PPP6R2: variants seen among roughly 807,000 people sequenced by gnomAD.
PPP6R2 encodes the protein serine/threonine-protein phosphatase 6 regulatory subunit 2.
Under a neutral mutation model 100.2 loss-of-function variants are expected in PPP6R2, and 62 were observed. That is an observed-to-expected ratio of 0.62 (90% confidence interval 0.50 to 0.76). The LOEUF is 0.76. Among genes scored for constraint, PPP6R2 ranks in the 30% least tolerant of loss-of-function variants. The pLI is 0.00. For missense variants in PPP6R2, 1,142 were observed against 1,276.3 expected, an observed-to-expected ratio of 0.89 and a Z score of 1.60; for synonymous variants, 525 against 514.7, an observed-to-expected ratio of 1.02 and a Z score of -0.27.
At chr22:50,440,735 C>T (rs2065390696) in intron 21 of PPP6R2, 87 bp from the exon 22 acceptor site, 3 of 1,459,556 alleles carry the variant, frequency 2.1e-6, no homozygotes, top group African/African-American at 1.4e-5. Context: ...GTGAGAGGGC[C>T]ACATGTATGG....
At chr22:50,412,147 G>C (rs2059836559) in intron 4 of PPP6R2, among the ~76,000 whole-genome samples, 1 of 152,120 alleles carries the variant, frequency 6.6e-6, no homozygotes, top group Non-Finnish European at 1.5e-5. Context: ...ATGTGAATGT[G>C]TGAATATGAT....
chr22:50,331,055 C>A, the PPP6R2 span, among the ~76,000 whole-genome samples: 1 of 152,164 alleles, frequency 6.6e-6, no homozygotes, highest in African/African-American at 2.4e-5. Flanking sequence ...CAGCAGCAAC[C>A]GGAAACTACT....
rs557118142 is a variant in PPP6R2, at chr22:50,375,832, ATTTTTT to A, written c.-17+3703_-17+3708del. 3.7e-4 allele frequency among the ~76,000 whole-genome samples: 24 copies of A among 64,554 alleles called. 2 individuals are homozygous for A. In the South Asian group the frequency reaches 5.5e-3, roughly 15 times the overall value. 42.3% of individuals were successfully genotyped at this position (64,554 alleles called of 152,430 possible). On this transcript the variant is annotated intron_variant, in intron 2 of 23. Transcript: ENST00000612753. ...CCTAAGATACAAAGAATCCCTGCAG[ATTTTTT>A]TTTTTTTTTTTTTTTTTTTTGAGAT...
intron 6 of PPP6R2, among the ~76,000 whole-genome samples, chr22:50,418,470 CCTT>C (rs1185904403): frequency 6.6e-6 from 1 of 151,832 alleles, no homozygotes; most frequent in Admixed American, 6.6e-5. Context: ...ACTGCAAGCT[CCTT>C]CTCCCAGGTT....
At chr22:50,427,016 G>A (rs942317359) in intron 10 of PPP6R2, among the ~76,000 whole-genome samples, 1 of 151,344 alleles carries the variant, frequency 6.6e-6, no homozygotes, top group East Asian at 1.9e-4. Context: ...GTGAAACCCC[G>A]TCTCTGCTAA....
At chr22:50,391,859 C>G (rs1474369378) in intron 2 of PPP6R2, 1 of 151,114 alleles carries the variant, frequency 6.6e-6, no homozygotes, top group Admixed American at 6.6e-5. Context: ...CTTTTGTAAT[C>G]CACCCAGGCT....
rs547065451 is a variant in PPP6R2, at chr22:50,386,507, C to T, written c.-16-7386C>T. ...CCATAGACTCAGGGAAGTAAAGAAC[C>T]TTGCTCAAATTGTAGTAAGGTACAA... On this transcript the variant is annotated intron_variant, in intron 2 of 23. Coordinates refer to ENST00000612753, the MANE Select transcript of PPP6R2 (RefSeq NM_001242898.2). 1.3e-3 allele frequency among the ~76,000 whole-genome samples: 191 copies of T among 152,272 alleles called. 1 individual carries two copies. The highest frequency in any genetic ancestry group is 1.7e-3 in the Non-Finnish European group (116 of 68,024).
rs565209206 is a variant in PPP6R2, at chr22:50,431,422, G to A, written c.1335+40G>A. 1.2e-3 allele frequency: 1,850 copies of A among 1,559,498 alleles called. 32 individuals carry two copies. In the South Asian group the frequency reaches 0.019, roughly 16 times the overall value. On this transcript the variant is annotated intron_variant, in intron 11 of 23. Transcript: ENST00000612753. This position sits in a 1 kb window ranked among gnomAD's most constrained non-coding sequence, Gnocchi z 4.8. ...CATCCATCTTATCAGCGCCAACTGC[G>A]CCCCACTCAGACCGTGTCCATGTCA...
chr22:50,437,115 C>G, intron 15 of PPP6R2, 47 bp downstream of exon 15: 2 of 1,476,456 alleles, frequency 1.4e-6, no homozygotes, highest in Non-Finnish European at 1.8e-6. Context: ...CTTCCCGGCA[C>G]CTGTGTGCGC....
upstream of PPP6R2, among the ~76,000 whole-genome samples, chr22:50,338,780 GGTGT>G (rs1601852798): frequency 7.3e-6 from 1 of 137,766 alleles, no homozygotes; most frequent in Non-Finnish European, 1.6e-5. Context: ...TGTGGTATGT[GGTGT>G]GTGTGGTGTG....
chr22:50,414,777 C>T (rs1297135004), intron 5 of PPP6R2, 88 bp downstream of exon 5: 59 of 1,438,322 alleles, frequency 4.1e-5, no homozygotes, highest in Non-Finnish European at 5.3e-5. Flanking sequence ...AGCACCAGGG[C>T]GCCCGGCCCC....
At chr22:50,437,423 G>A in intron 15 of PPP6R2, 83 bp from the exon 16 acceptor site, 1 of 930,038 alleles carries the variant, frequency 1.1e-6, no homozygotes, top group Non-Finnish European at 1.7e-6. Context: ...GAGAGATTGT[G>A]GTTCCCAAAG....
Position 50,401,357 on chromosome 22 carries a change from C to G in PPP6R2, c.228-5332C>G, listed in dbSNP as rs1230563094. ...GTGTAGCTGGAACTACAGACGCCCACCACCACGCCCGGCTAATTTTTTATA... is the reference window on the plus strand; with the variant it reads ...GTGTAGCTGGAACTACAGACGCCCAGCACCACGCCCGGCTAATTTTTTATA... On this transcript the variant is annotated intron_variant, in intron 3 of 23. Transcript: ENST00000612753. 2.0e-5 allele frequency among the ~76,000 whole-genome samples: 3 copies of G among 151,446 alleles called. No homozygotes were observed. The East Asian group carries it at 5.9e-4, about 30-fold the overall frequency.
chr22:50,349,934 A>G (rs2044650219), intron 1 of PPP6R2, among the ~76,000 whole-genome samples: 1 of 151,380 alleles, frequency 6.6e-6, no homozygotes, highest in African/African-American at 2.4e-5. Context: ...CCTGAACAAC[A>G]TGGTGAAACT....
the PPP6R2 span, among the ~76,000 whole-genome samples, chr22:50,337,299 G>T: frequency 3.8e-4 from 55 of 144,292 alleles, no homozygotes; most frequent in African/African-American, 1.2e-3. Context: ...GGTATGTGGG[G>T]GTGTGTGTGT....
At chr22:50,441,986 G>A (rs1382640142) in intron 22 of PPP6R2, among the ~76,000 whole-genome samples, 2 of 152,300 alleles carry the variant, frequency 1.3e-5, no homozygotes, top group East Asian at 3.9e-4. Context: ...CTCCCAGTAG[G>A]TCCAGGCAAC....
At chr22:50,437,921 G>A (rs777739059) in intron 17 of PPP6R2, 21 bp downstream of exon 17, 2 of 1,560,872 alleles carry the variant, frequency 1.3e-6, no homozygotes, top group South Asian at 1.2e-5. Context: ...CGGGCTGTGT[G>A]GGGTGCCGCC....
intron 1 of PPP6R2, among the ~76,000 whole-genome samples, chr22:50,353,249 C>T (rs1197218495): frequency 6.6e-6 from 1 of 152,174 alleles, no homozygotes; most frequent in Non-Finnish European, 1.5e-5. Flanking sequence ...CTTCACTAAG[C>T]TTAAGCATTT....
chr22:50,382,433 C>CT (rs2053301585), intron 2 of PPP6R2, among the ~76,000 whole-genome samples: 2 of 150,762 alleles, frequency 1.3e-5, no homozygotes, highest in African/African-American at 4.9e-5. Flanking sequence ...CCCGTCTCTA[C>CT]TAAAAATACA....
Sources: allele counts gnomAD v4.1 joint callset (sites outside exome capture counted in the v4.1 genomes callset), GRCh38; gene constraint gnomAD v4.1.1; non-coding constraint Gnocchi (gnomAD v3.1); transcripts MANE v1.5; gene names NCBI Gene and HGNC (gene_info 2026-07-23, HGNC 2026-07-21).